ATG7: variants seen among roughly 807,000 people sequenced by gnomAD.
ATG7 encodes the protein autophagy related 7, also known as ubiquitin-like modifier-activating enzyme ATG7.
A neutral mutation model predicts 82.4 loss-of-function variants in ATG7; 70 were observed. The ratio of observed to expected loss-of-function variants is 0.85; its 90% CI spans 0.70 to 1.04. ATG7 has a LOEUF of 1.04. Ranked by LOEUF, ATG7 falls within the 50% of genes least tolerant of loss-of-function variation. The probability of loss-of-function intolerance (pLI) is 0.00; values close to 1 mark genes in which losing one functional copy is unlikely to be tolerated. For synonymous variants in ATG7, 287 were observed against 313.0 expected (o/e 0.92, Z 0.88); for missense variants, 792 against 864.3 (o/e 0.92, Z 1.05).
intron 20 of ATG7, among the ~76,000 whole-genome samples, chr3:11,511,815 C>G (rs1052415898): frequency 6.6e-6 from 1 of 152,172 alleles, no homozygotes; most frequent in Non-Finnish European, 1.5e-5. Flanking sequence ...GTACTCAGTA[C>G]ACCCTCCGCA....
chr3:11,325,337 C>T (rs182829276), intron 9 of ATG7, among the ~76,000 whole-genome samples: 12 of 152,254 alleles, frequency 7.9e-5, no homozygotes, highest in Admixed American at 6.5e-5. Flanking sequence ...ATTTGTTAAG[C>T]GCTGGCCTCA....
chr3:11,466,855 C>T (rs1313764247), intron 20 of ATG7, among the ~76,000 whole-genome samples: 1 of 152,100 alleles, frequency 6.6e-6, no homozygotes, highest in Non-Finnish European at 1.5e-5. Flanking sequence ...TGGAGCTGGG[C>T]ATGGTGGCAC....
intron 12 of ATG7, 150 bp downstream of exon 12, chr3:11,340,885 G>A: frequency 3.1e-6 from 2 of 640,382 alleles, no homozygotes; most frequent in Admixed American, 5.7e-5. Context: ...TTGAAGTTTG[G>A]TTGTGAGAAT....
intron 19 of ATG7, among the ~76,000 whole-genome samples, chr3:11,417,262 T>C (rs1310810002): frequency 1.3e-5 from 2 of 152,230 alleles, no homozygotes; most frequent in Non-Finnish European, 2.9e-5. Flanking sequence ...CTACTTCTGA[T>C]AGAGCAGTAT....
intron 20 of ATG7, among the ~76,000 whole-genome samples, chr3:11,448,347 G>A (rs2084776967): frequency 1.3e-5 from 2 of 151,932 alleles, no homozygotes; most frequent in Non-Finnish European, 2.9e-5. Flanking sequence ...GCGGGGAAGG[G>A]GAGTGCTCTC....
intron 20 of ATG7, among the ~76,000 whole-genome samples, chr3:11,455,456 C>A (rs1044668757): frequency 6.6e-6 from 1 of 152,176 alleles, no homozygotes; most frequent in Non-Finnish European, 1.5e-5. Flanking sequence ...CCACTCATAC[C>A]TCCTTCAGAG....
At chr3:11,438,111 G>A (rs1268316360) in intron 20 of ATG7, among the ~76,000 whole-genome samples, 7 of 152,150 alleles carry the variant, frequency 4.6e-5, no homozygotes, top group African/African-American at 1.7e-4. Context: ...CTCTAAATGG[G>A]GAGACACAAT....
chr3:11,546,576 T>TA (rs1049853460), intron 20 of ATG7, among the ~76,000 whole-genome samples: 12 of 152,222 alleles, frequency 7.9e-5, no homozygotes, highest in African/African-American at 2.7e-4. Flanking sequence ...AAGAAGAACC[T>TA]TAGTTCATGG....
At chr3:11,486,257 T>A (rs373224197) in intron 20 of ATG7, among the ~76,000 whole-genome samples, 5 of 152,324 alleles carry the variant, frequency 3.3e-5, no homozygotes, top group Non-Finnish European at 5.9e-5. Context: ...GGTCCTTCAC[T>A]TCCCTTGTAA....
intron 14 of ATG7, among the ~76,000 whole-genome samples, chr3:11,356,257 T>C (rs1449518332): frequency 2.0e-5 from 3 of 152,242 alleles, no homozygotes; most frequent in East Asian, 1.9e-4. Flanking sequence ...TCAGAATACA[T>C]TGAACTGTGC....
intron 19 of ATG7, among the ~76,000 whole-genome samples, chr3:11,420,355 T>C (rs1214408759): frequency 6.6e-6 from 1 of 152,144 alleles, no homozygotes; most frequent in African/African-American, 2.4e-5. Flanking sequence ...CCTTTTTTTG[T>C]TTTTTTCATT....
chr3:11,348,244 C>A, intron 14 of ATG7: 1 of 610,954 alleles, frequency 1.6e-6, no homozygotes, highest in South Asian at 2.3e-5. Context: ...CCTGCAATCC[C>A]AGTGTGTCTG....
chr3:11,286,583 C>CTTTTTTTTT (rs5846700), intron 3 of ATG7, among the ~76,000 whole-genome samples: 17 of 66,956 alleles, frequency 2.5e-4, no homozygotes, highest in African/African-American at 5.5e-4. Flanking sequence ...TTCTTTCTTT[C>CTTTTTTTTT]TTTTTTTTTT....
intron 20 of ATG7, among the ~76,000 whole-genome samples, chr3:11,428,292 G>A (rs1448283781): frequency 6.6e-6 from 1 of 152,234 alleles, no homozygotes; most frequent in Non-Finnish European, 1.5e-5. Context: ...GGACCAGCCA[G>A]TGGTGAAAGG....
intron 19 of ATG7, among the ~76,000 whole-genome samples, chr3:11,414,518 C>A (rs2152921948): frequency 6.6e-6 from 1 of 152,312 alleles, no homozygotes; most frequent in Non-Finnish European, 1.5e-5. Flanking sequence ...TCTTCCTTCC[C>A]AATCAGAATA....
chr3:11,502,056 A>G lies in ATG7; in HGVS notation c.2080-52755A>G, dbSNP rs1454854004. ...CACACATACACACATATGTTTATAT[A>G]TATGTTTGCTGTCATGTAAAATAAC... On this transcript the variant is annotated intron_variant, in intron 20 of 20. Coordinates refer to ENST00000693202, the MANE Select transcript of ATG7 (RefSeq NM_001349232.2). Among the ~76,000 whole-genome samples the G allele has an allele frequency of 2.0e-5, 3 of 152,102 alleles. 1 individual carries two copies. The South Asian group carries it at 6.2e-4, about 31-fold the overall frequency.
chr3:11,550,574 T>G (rs1221391722), intron 20 of ATG7, among the ~76,000 whole-genome samples: 1 of 152,066 alleles, frequency 6.6e-6, no homozygotes, highest in Non-Finnish European at 1.5e-5. Context: ...TTTTAAAAAA[T>G]TATTGTAGAG....
intron 1 of ATG7, among the ~76,000 whole-genome samples, chr3:11,279,726 C>CA (rs1298656866): frequency 6.6e-6 from 1 of 150,824 alleles, no homozygotes; most frequent in South Asian, 2.1e-4. Context: ...AGCAAACAAA[C>CA]AAAAAAACCC....
intron 20 of ATG7, among the ~76,000 whole-genome samples, chr3:11,490,701 T>C (rs1444400214): frequency 3.9e-5 from 6 of 152,250 alleles, no homozygotes; most frequent in Admixed American, 2.6e-4. Flanking sequence ...TGCTTGTCTG[T>C]AAAGTATTTT....
Sources: gnomAD v4.1 joint callset for allele counts (sites outside exome capture counted in the v4.1 genomes callset) on GRCh38, gnomAD v4.1.1 for gene constraint, MANE v1.5 for transcripts, NCBI Gene and HGNC (gene_info 2026-07-23, HGNC 2026-07-21) for gene names.